ZNF710: variants seen among roughly 807,000 people sequenced by gnomAD.
ZNF710 encodes the protein zinc finger protein 710.
In ZNF710, 13 loss-of-function variants were observed where a neutral mutation model predicts 50.6. The observed-to-expected ratio is 0.26, with a 90% CI of 0.17 to 0.41. The LOEUF is 0.41. Among genes scored for constraint, ZNF710 ranks in the 10% least tolerant of loss-of-function variants. The pLI, the probability that ZNF710 is intolerant of heterozygous loss-of-function variation, is 1.00. For missense variants in ZNF710, 721 were observed against 936.6 expected, an observed-to-expected ratio of 0.77 and a Z score of 3.01; for synonymous variants, 383 against 397.0, an observed-to-expected ratio of 0.96 and a Z score of 0.42.
intron 1 of ZNF710, among the ~76,000 whole-genome samples, chr15:90,048,059 C>G (rs1399991538): frequency 1.3e-5 from 2 of 152,232 alleles, no homozygotes; most frequent in East Asian, 3.8e-4. Context: ...TTAAATGACA[C>G]ACTGTGCTGA....
At chr15:90,020,719 G>A (rs1307267136) in intron 1 of ZNF710, among the ~76,000 whole-genome samples, 3 of 152,188 alleles carry the variant, frequency 2.0e-5, no homozygotes, top group Admixed American at 1.3e-4. Flanking sequence ...GCCAGCAATG[G>A]CTCCCAGCTC....
intron 1 of ZNF710, among the ~76,000 whole-genome samples, chr15:90,048,590 A>G (rs1899540603): frequency 6.6e-6 from 1 of 152,126 alleles, no homozygotes; most frequent in African/African-American, 2.4e-5. Context: ...GACCCATCTG[A>G]GCTGCGTTTG....
intron 1 of ZNF710, among the ~76,000 whole-genome samples, chr15:90,061,818 C>A (rs147252021): frequency 1.0e-3 from 155 of 152,286 alleles, no homozygotes; most frequent in African/African-American, 3.6e-3. Context: ...GCTCTTGTGC[C>A]CATTTTACAG....
At chr15:90,021,593 A>C (rs1305840329) in intron 1 of ZNF710, among the ~76,000 whole-genome samples, 1 of 151,978 alleles carries the variant, frequency 6.6e-6, no homozygotes. Flanking sequence ...CCAACTACCT[A>C]CCATGTGTTA....
At chr15:90,047,230 T>C (rs998390664) in intron 1 of ZNF710, among the ~76,000 whole-genome samples, 8 of 151,936 alleles carry the variant, frequency 5.3e-5, no homozygotes, top group Non-Finnish European at 7.4e-5. Flanking sequence ...CATCAAGGAG[T>C]CCAGCTCCTC....
intron 1 of ZNF710, among the ~76,000 whole-genome samples, chr15:90,020,365 A>G (rs1022737658): frequency 1.3e-5 from 2 of 151,834 alleles, no homozygotes; most frequent in Non-Finnish European, 2.9e-5. Flanking sequence ...TCTGCTACCA[A>G]CGCCCCTGCA....
chr15:90,026,751 T>C (rs1281303008), intron 1 of ZNF710, among the ~76,000 whole-genome samples: 3 of 152,204 alleles, frequency 2.0e-5, no homozygotes, highest in African/African-American at 7.2e-5. Flanking sequence ...AACTACGTCA[T>C]GCTAATGCAT....
chr15:90,044,865 C>A, intron 1 of ZNF710, among the ~76,000 whole-genome samples: 1 of 152,138 alleles, frequency 6.6e-6, no homozygotes, highest in Non-Finnish European at 1.5e-5. Flanking sequence ...CCAGGGGCCA[C>A]CAGTCACTGT....
At chr15:90,050,768 GT>G (rs538660144) in intron 1 of ZNF710, among the ~76,000 whole-genome samples, 8,784 of 143,462 alleles carry the variant, frequency 0.061, 609 homozygotes, top group African/African-American at 0.17. Flanking sequence ...CCTTAAGTTT[GT>G]TTTTTTTTTT....
At chr15:90,009,818 C>T (rs1455429023) in intron 1 of ZNF710, among the ~76,000 whole-genome samples, 1 of 151,920 alleles carries the variant, frequency 6.6e-6, no homozygotes, top group Non-Finnish European at 1.5e-5. Flanking sequence ...AACAGTGGAG[C>T]GTTTCAGCCC....
At chr15:90,027,392 T>A (rs1486498792) in intron 1 of ZNF710, among the ~76,000 whole-genome samples, 1 of 152,086 alleles carries the variant, frequency 6.6e-6, no homozygotes, top group Non-Finnish European at 1.5e-5. Context: ...GTATTTTTAG[T>A]AGAGACGGGG....
intron 2 of ZNF710, among the ~76,000 whole-genome samples, chr15:90,071,385 C>T (rs1177338033): frequency 1.3e-5 from 2 of 152,072 alleles, no homozygotes; most frequent in South Asian, 2.1e-4. Flanking sequence ...GTACAATGTG[C>T]ACATCATGTG....
chr15:90,042,751 G>A (rs753786980), intron 1 of ZNF710, among the ~76,000 whole-genome samples: 2 of 152,244 alleles, frequency 1.3e-5, no homozygotes, highest in Non-Finnish European at 2.9e-5. Flanking sequence ...TAGACTGAGG[G>A]CTGTGTGTGG....
At chr15:90,043,639 G>T (rs1445813698) in intron 1 of ZNF710, among the ~76,000 whole-genome samples, 7 of 152,232 alleles carry the variant, frequency 4.6e-5, no homozygotes, top group African/African-American at 9.6e-5. Flanking sequence ...AGAAGAAAGG[G>T]TTTGCATTGT....
Position 90,082,088 on chromosome 15 carries a change from A to T in ZNF710, c.*2259A>T. The stretch of plus-strand genomic sequence containing the variant: ...CTTATTTTGACATGTATACAAACCA[A>T]CTGTTTAGAGATTCCACTTGTGCAA... On this transcript the variant is annotated 3_prime_UTR_variant, in exon 5 of 5. Transcript: ENST00000268154. The T allele has an allele frequency of 6.6e-6, 1 of 152,152 alleles. No individual in the cohort carries two copies. Among genetic ancestry groups the T allele is most frequent in the Admixed American group, 6.5e-5 (1 of 15,276 alleles). 9.4% of individuals were successfully genotyped at this position (152,152 alleles called of 1,614,324 possible).
rs566924446 is a variant in ZNF710, at chr15:90,080,611, G to C, written c.*782G>C. The stretch of plus-strand genomic sequence containing the variant: ...CGTCAGGCACACACTAACAAAACCA[G>C]AAGCATGGGGCAGGGCAGGGCGGAG... On this transcript the variant is annotated 3_prime_UTR_variant, in exon 5 of 5. Coordinates refer to ENST00000268154, the MANE Select transcript of ZNF710 (RefSeq NM_198526.4). The C allele has an allele frequency of 5.2e-5, 8 of 152,706 alleles. No individual in the cohort carries two copies. Among genetic ancestry groups the C allele is most frequent in the African/African-American group, 1.4e-4 (6 of 41,586 alleles). 9.5% of individuals were successfully genotyped at this position (152,706 alleles called of 1,614,324 possible).
intron 1 of ZNF710, among the ~76,000 whole-genome samples, chr15:90,061,946 G>A (rs76366393): frequency 0.015 from 2,343 of 152,178 alleles, 89 homozygotes; most frequent in East Asian, 0.15. Context: ...AGGAGACGGC[G>A]TCCCTGCTTG....
chr15:90,003,956 C>T (rs1898077214), intron 1 of ZNF710, among the ~76,000 whole-genome samples: 1 of 151,832 alleles, frequency 6.6e-6, no homozygotes, highest in Non-Finnish European at 1.5e-5. Context: ...CTTCCTCCAG[C>T]CTGGCCTGGT....
intron 1 of ZNF710, among the ~76,000 whole-genome samples, chr15:90,058,728 T>C (rs796430958): frequency 0.047 from 6,821 of 145,892 alleles, 743 homozygotes; most frequent in African/African-American, 0.17. Flanking sequence ...TACACACATA[T>C]ACACACACAC....
Sources: gnomAD v4.1 joint callset for allele counts (sites outside exome capture counted in the v4.1 genomes callset) on GRCh38, gnomAD v4.1.1 for gene constraint, MANE v1.5 for transcripts, NCBI Gene and HGNC (gene_info 2026-07-23, HGNC 2026-07-21) for gene names.